Variants in CNTNAP2 observed in about 807,000 individuals in gnomAD.
CNTNAP2 encodes contactin associated protein 2.
CNTNAP2 carries 98 observed loss-of-function variants against 155.2 expected under a neutral mutation model. The observed-to-expected ratio is 0.63, with a 90% CI of 0.54 to 0.75. The LOEUF is 0.75. Ranked by LOEUF, CNTNAP2 falls within the 30% of genes least tolerant of loss-of-function variation. The pLI, the probability that CNTNAP2 is intolerant of heterozygous loss-of-function variation, is 0.00. For missense variants in CNTNAP2, 1,727 were observed against 1,688.1 expected (o/e 1.02, Z -0.40); for synonymous variants, 651 against 631.2 (o/e 1.03, Z -0.47).
At chr7:147,645,397 T>C (rs1202879445) in intron 13 of CNTNAP2, among the ~76,000 whole-genome samples, 1 of 152,220 alleles carries the variant, frequency 6.6e-6, no homozygotes, top group East Asian at 1.9e-4. Context: ...AAATTTATTG[T>C]GACTAATCAG....
At chr7:147,179,074 C>G (rs183028210) in intron 8 of CNTNAP2, among the ~76,000 whole-genome samples, 81 of 152,210 alleles carry the variant, frequency 5.3e-4, no homozygotes, top group Admixed American at 9.8e-4. Context: ...TTCTGAGACT[C>G]CATATCCTTA....
intron 1 of CNTNAP2, among the ~76,000 whole-genome samples, chr7:146,163,545 A>ATATATC (rs1371516596): frequency 7.6e-5 from 11 of 145,172 alleles, no homozygotes; most frequent in Middle Eastern, 3.6e-3. Context: ...ATCTATATCT[A>ATATATC]TATATCTATA....
intron 13 of CNTNAP2, among the ~76,000 whole-genome samples, chr7:147,719,805 C>T (rs776621048): frequency 7.9e-5 from 12 of 152,106 alleles, no homozygotes; most frequent in Non-Finnish European, 1.6e-4. Context: ...TCTTTTTTCA[C>T]TTCCATTACC....
At chr7:146,286,696 C>T (rs1272521526) in intron 1 of CNTNAP2, among the ~76,000 whole-genome samples, 1 of 152,162 alleles carries the variant, frequency 6.6e-6, no homozygotes, top group African/African-American at 2.4e-5. Context: ...CCGACCCCTA[C>T]AGAAACAGAG....
intron 12 of CNTNAP2, among the ~76,000 whole-genome samples, chr7:147,588,284 A>G (rs1208968089): frequency 6.6e-6 from 1 of 152,138 alleles, no homozygotes; most frequent in East Asian, 1.9e-4. Context: ...AGAAGGGAAA[A>G]GATGATCCCA....
intron 1 of CNTNAP2, among the ~76,000 whole-genome samples, chr7:146,466,656 A>G (rs560275182): frequency 6.6e-6 from 1 of 152,352 alleles, no homozygotes; most frequent in Admixed American, 6.5e-5. Flanking sequence ...TCAGGAATTT[A>G]TAGCATAATA....
At chr7:147,930,809 T>C (rs1297021434) in intron 14 of CNTNAP2, among the ~76,000 whole-genome samples, 1 of 152,100 alleles carries the variant, frequency 6.6e-6, no homozygotes, top group African/African-American at 2.4e-5. Flanking sequence ...AAAACAAGTT[T>C]CAATAAACCT....
chr7:146,875,967 A>AAAAAAAAAAAAAAAAC, intron 3 of CNTNAP2, among the ~76,000 whole-genome samples: 1 of 149,426 alleles, frequency 6.7e-6, no homozygotes, highest in Non-Finnish European at 1.5e-5. Context: ...AAAAACAAAA[A>AAAAAAAAAAAAAAAAC]ACAAAAAAAC....
intron 12 of CNTNAP2, among the ~76,000 whole-genome samples, chr7:147,638,175 G>A (rs1219917261): frequency 6.6e-6 from 1 of 152,072 alleles, no homozygotes; most frequent in African/African-American, 2.4e-5. Context: ...GGGTGTTTTT[G>A]AACTGCCCTC....
intron 1 of CNTNAP2, among the ~76,000 whole-genome samples, chr7:146,308,841 G>A (rs1304541226): frequency 6.6e-6 from 1 of 152,012 alleles, no homozygotes; most frequent in Non-Finnish European, 1.5e-5. Flanking sequence ...GTGGGGAGAC[G>A]GGGGAGGGAT....
chr7:147,942,438 G>A (rs1028531447), intron 14 of CNTNAP2, among the ~76,000 whole-genome samples: 6 of 152,286 alleles, frequency 3.9e-5, no homozygotes, highest in Admixed American at 2.0e-4. Flanking sequence ...TACCTAAGAG[G>A]AGGAATTGTA....
At chr7:147,815,626 G>A (rs1211572309) in intron 13 of CNTNAP2, among the ~76,000 whole-genome samples, 2 of 151,974 alleles carry the variant, frequency 1.3e-5, no homozygotes, top group Non-Finnish European at 2.9e-5. Context: ...CTATTTTAAG[G>A]TCTGTAACCA....
chr7:147,556,560 T>C (rs921756132), intron 11 of CNTNAP2, among the ~76,000 whole-genome samples: 3 of 152,010 alleles, frequency 2.0e-5, no homozygotes, highest in East Asian at 3.9e-4. Flanking sequence ...AAGCAGAGAG[T>C]TGCAGTGATG....
intron 10 of CNTNAP2, among the ~76,000 whole-genome samples, chr7:147,434,257 T>C (rs1274096855): frequency 6.8e-6 from 1 of 147,452 alleles, no homozygotes; most frequent in Non-Finnish European, 1.5e-5. Flanking sequence ...TTAATAATTA[T>C]GTTGATTTCT....
At chr7:146,417,154 C>T (rs1267456395) in intron 1 of CNTNAP2, among the ~76,000 whole-genome samples, 1 of 152,074 alleles carries the variant, frequency 6.6e-6, no homozygotes, top group Non-Finnish European at 1.5e-5. Context: ...CACTTTAATT[C>T]TTGTCCATCC....
At chr7:148,154,800 G>T (rs1412936676) in intron 17 of CNTNAP2, among the ~76,000 whole-genome samples, 1 of 152,136 alleles carries the variant, frequency 6.6e-6, no homozygotes, top group Non-Finnish European at 1.5e-5. Flanking sequence ...ACTCAGGCAT[G>T]CTGGTGGGTG....
At chr7:146,856,961 C>T (rs1443317799) in intron 3 of CNTNAP2, among the ~76,000 whole-genome samples, 1 of 152,096 alleles carries the variant, frequency 6.6e-6, no homozygotes, top group Non-Finnish European at 1.5e-5. Flanking sequence ...AGCCTGGATC[C>T]TGTCTTGGAT....
intron 1 of CNTNAP2, among the ~76,000 whole-genome samples, chr7:146,684,681 A>G (rs906474040): frequency 2.1e-5 from 3 of 139,598 alleles, no homozygotes; most frequent in East Asian, 2.3e-4. Flanking sequence ...TAGCTCTGCC[A>G]GTTATTGACT....
intron 13 of CNTNAP2, among the ~76,000 whole-genome samples, chr7:147,752,329 T>TG (rs1257637177): frequency 6.1e-3 from 1 of 164 alleles, no homozygotes; most frequent in African/African-American, 0.021. Context: ...CCCTGAACCA[T>TG]TTTTTTTCTC....
Sources: allele counts gnomAD v4.1 joint callset (sites outside exome capture counted in the v4.1 genomes callset), GRCh38; gene constraint gnomAD v4.1.1; transcripts MANE v1.5; gene names NCBI Gene and HGNC (gene_info 2026-07-23, HGNC 2026-07-21).